Variants in FAM3C observed in about 807,000 individuals in gnomAD.
FAM3C encodes the protein FAM3 metabolism regulating signaling molecule C, also known as protein FAM3C.
In FAM3C, 15 loss-of-function variants were observed where a neutral mutation model predicts 32.5. That is an observed-to-expected ratio of 0.46 (90% CI 0.31 to 0.71). The LOEUF (loss-of-function observed/expected upper bound fraction) is 0.71, where lower values mean the gene tolerates loss of function less well. Ranked by LOEUF, FAM3C falls within the 30% of genes least tolerant of loss-of-function variation. The pLI, the probability that FAM3C is intolerant of heterozygous loss-of-function variation, is 0.05. For synonymous variants in FAM3C, 75 were observed against 86.1 expected (o/e 0.87, Z 0.72); for missense variants, 175 against 274.4 (o/e 0.64, Z 2.56).
intron 2 of FAM3C, among the ~76,000 whole-genome samples, chr7:121,379,410 A>G (rs1007571855): frequency 1.3e-5 from 2 of 151,916 alleles, no homozygotes; most frequent in African/African-American, 4.8e-5. Context: ...AAAACAGTGG[A>G]ACTTCTGGGG....
intron 1 of FAM3C, among the ~76,000 whole-genome samples, chr7:121,394,213 T>C (rs151298569): frequency 2.2e-3 from 331 of 152,304 alleles, no homozygotes; most frequent in African/African-American, 7.3e-3. Flanking sequence ...ACCTAAAATA[T>C]ATGGTGGAAA....
At chr7:121,356,105 G>A (rs1279144383) in intron 8 of FAM3C, among the ~76,000 whole-genome samples, 1 of 149,524 alleles carries the variant, frequency 6.7e-6, no homozygotes, top group Non-Finnish European at 1.5e-5. Context: ...AAAAACTCAC[G>A]AGCCAAAAAT....
intron 2 of FAM3C, among the ~76,000 whole-genome samples, 155 bp downstream of exon 2, chr7:121,382,802 A>AT (rs1303098250): frequency 6.6e-6 from 1 of 152,086 alleles, no homozygotes; most frequent in Non-Finnish European, 1.5e-5. Context: ...CCAATTTGTG[A>AT]TTTGCCAACT....
At position 121,382,937 on chromosome 7, in the gene FAM3C, T is replaced by C. The variant is rs1464549813; in HGVS notation, c.13+20A>G. The C allele has an allele frequency of 1.0e-5, 16 of 1,579,890 alleles. No individual in the cohort carries two copies. Among genetic ancestry groups the C allele is most frequent in the South Asian group, 2.3e-5 (2 of 88,746 alleles). On this transcript the variant is annotated intron_variant, in intron 2 of 9. Coordinates refer to ENST00000359943, the MANE Select transcript of FAM3C (RefSeq NM_014888.3). ...GTTACACAAAAAGTACAATTACTTC[T>C]ACTAAATTAAATATCTTACCTGCTA...
chr7:121,350,356 C>A lies in FAM3C; in HGVS notation c.*105G>T, dbSNP rs979060703. On this transcript the variant is annotated 3_prime_UTR_variant, in exon 10 of 10. Coordinates refer to ENST00000359943, the MANE Select transcript of FAM3C (RefSeq NM_014888.3). ...AAAAGAGACAATACTCATGCACACA[C>A]CAAGATGGCTGCATGCTCTTAAAAT... 5.7e-5 allele frequency: 80 copies of A among 1,412,464 alleles called. No individual in the cohort carries two copies. The highest frequency in any genetic ancestry group is 7.5e-5 in the Non-Finnish European group (76 of 1,007,182). 87.5% of individuals were successfully genotyped at this position (1,412,464 alleles called of 1,614,324 possible).
chr7:121,350,476 G>C lies in FAM3C; in HGVS notation c.669C>G (p.Pro223=), dbSNP rs1477817774. The change falls in exon 10 of 10, where the codon CCC becomes CCG. Residue 223 remains proline (P), a synonymous_variant. Coordinates refer to ENST00000359943, the MANE Select transcript of FAM3C (RefSeq NM_014888.3). ...CACATTTCCATTAGTCTTGCTTCTGGGGGATGCATCCTTCCATTTCTACAA... is the reference window on the plus strand; with the variant it reads ...CACATTTCCATTAGTCTTGCTTCTGCGGGATGCATCCTTCCATTTCTACAA... ...PEVVEMEGCI[P]QKQD 3 of 1,611,710 alleles carry C rather than the reference G, an allele frequency of 1.9e-6. No individual in the cohort carries two copies. The African/African-American group carries it at 4.0e-5, about 22-fold the overall frequency.
chr7:121,382,875 T>G, intron 2 of FAM3C, 82 bp downstream of exon 2: 1 of 1,041,326 alleles, frequency 9.6e-7, no homozygotes, highest in Non-Finnish European at 1.4e-6. Flanking sequence ...ATATAAAGAT[T>G]ATTTAACCTC....
At chr7:121,365,212 G>A (rs893298075) in intron 5 of FAM3C, among the ~76,000 whole-genome samples, 3 of 152,106 alleles carry the variant, frequency 2.0e-5, no homozygotes, top group African/African-American at 7.2e-5. Context: ...CACATCTGCA[G>A]CTGAACTATG....
intron 1 of FAM3C, among the ~76,000 whole-genome samples, chr7:121,394,937 A>G (rs1794654983): frequency 6.6e-6 from 1 of 152,198 alleles, no homozygotes; most frequent in African/African-American, 2.4e-5. Flanking sequence ...CCCAAGACTT[A>G]AGAAAACGTA....
chr7:121,363,993 T>C lies in FAM3C; in HGVS notation c.331+137A>G, dbSNP rs764466811. 3.6e-5 allele frequency: 21 copies of C among 590,596 alleles called. No homozygotes were observed. In the Admixed American group the frequency reaches 3.7e-4, roughly 10 times the overall value. 36.6% of individuals were successfully genotyped at this position (590,596 alleles called of 1,614,324 possible). ...CACCAAGTCTCCACCCATAGATTTT[T>C]TGCAGGGCAGGGATGGGACAGAGGG... is the stretch of plus-strand genomic sequence containing the variant. On this transcript the variant is annotated intron_variant, in intron 6 of 9. Coordinates refer to ENST00000359943, the MANE Select transcript of FAM3C (RefSeq NM_014888.3).
At position 121,382,949 on chromosome 7, in the gene FAM3C, T is replaced by G. The variant is rs1446560591; in HGVS notation, c.13+8A>C. 1 of 1,596,078 alleles carries G rather than the reference T, an allele frequency of 6.3e-7. No homozygotes were observed. Among genetic ancestry groups the G allele is most frequent in the Non-Finnish European group, 8.6e-7 (1 of 1,167,026 alleles). ...GTACAATTACTTCTACTAAATTAAA[T>G]ATCTTACCTGCTACCCTCATGTTTG... On this transcript the variant is annotated splice_region_variant and intron_variant, in intron 2 of 9. Coordinates refer to ENST00000359943, the MANE Select transcript of FAM3C (RefSeq NM_014888.3).
At chr7:121,355,510 AG>A (rs1200499164) in intron 8 of FAM3C, among the ~76,000 whole-genome samples, 3 of 152,210 alleles carry the variant, frequency 2.0e-5, no homozygotes, top group African/African-American at 7.2e-5. Flanking sequence ...AGGGAAATAA[AG>A]GGGAACTAGT....
At chr7:121,372,037 C>T in intron 4 of FAM3C, 73 bp downstream of exon 4, 1 of 1,099,726 alleles carries the variant, frequency 9.1e-7, no homozygotes, top group Admixed American at 2.1e-5. Context: ...GAACTACTGA[C>T]ACTTTGAATA....
chr7:121,371,118 T>C (rs989109528), intron 5 of FAM3C, among the ~76,000 whole-genome samples, 182 bp downstream of exon 5: 4 of 152,168 alleles, frequency 2.6e-5, no homozygotes, highest in Admixed American at 1.3e-4. Context: ...CACTCTCTAA[T>C]ATAAAATTTA....
At chr7:121,361,962 C>G (rs954357223) in intron 7 of FAM3C, among the ~76,000 whole-genome samples, 9 of 152,206 alleles carry the variant, frequency 5.9e-5, no homozygotes, top group African/African-American at 2.2e-4. Context: ...CAGGCGTGAG[C>G]CACCACGTCC....
At chr7:121,384,214 T>A (rs1005829515) in intron 1 of FAM3C, among the ~76,000 whole-genome samples, 1 of 152,170 alleles carries the variant, frequency 6.6e-6, no homozygotes, top group Non-Finnish European at 1.5e-5. Context: ...TGTCATTGAT[T>A]TCCTTTGTTA....
chr7:121,387,056 T>G (rs994841533), intron 1 of FAM3C, among the ~76,000 whole-genome samples: 9 of 152,160 alleles, frequency 5.9e-5, no homozygotes, highest in African/African-American at 2.2e-4. Context: ...CTACTGCAAT[T>G]ACGCCACTCT....
At position 121,360,083 on chromosome 7, in the gene FAM3C, T is replaced by G; in HGVS notation, c.427A>C (p.Thr143Pro). The change falls in exon 8 of 10, where the codon ACA becomes CCA. Residue 143 changes from threonine to proline, a missense_variant. Coordinates refer to ENST00000359943, the MANE Select transcript of FAM3C (RefSeq NM_014888.3). Reference sequence around the variant, plus strand: ...TCGTATGTTCCCATTAAAACTATTGTTCCATCTTGTATGGCCTTCAGAAAC... The same window carrying G: ...TCGTATGTTCCCATTAAAACTATTGGTCCATCTTGTATGGCCTTCAGAAAC... ...IEFLKAIQDG[T>P]IVLMGTYDDG... 2 of 1,601,238 alleles carry G rather than the reference T, an allele frequency of 1.2e-6. No individual in the cohort carries two copies. Among genetic ancestry groups the G allele is most frequent in the Non-Finnish European group, 1.7e-6 (2 of 1,168,688 alleles).
At chr7:121,357,480 A>G (rs1369451330) in intron 8 of FAM3C, among the ~76,000 whole-genome samples, 1 of 152,134 alleles carries the variant, frequency 6.6e-6, no homozygotes. Flanking sequence ...ATGTGCCACA[A>G]TTAGACACCT....
Sources: allele counts gnomAD v4.1 joint callset (sites outside exome capture counted in the v4.1 genomes callset), GRCh38; gene constraint gnomAD v4.1.1; transcripts MANE v1.5; gene names NCBI Gene and HGNC (gene_info 2026-07-23, HGNC 2026-07-21).